SIMC1: variants seen among roughly 807,000 people sequenced by gnomAD.
The protein encoded by SIMC1 is SUMO-interacting motif-containing protein 1.
In SIMC1, 55 loss-of-function variants were observed where a neutral mutation model predicts 82.3. The ratio of observed to expected loss-of-function variants is 0.67; its 90% CI spans 0.54 to 0.84. The LOEUF (loss-of-function observed/expected upper bound fraction) is 0.84. Among genes scored for constraint, SIMC1 ranks in the 40% least tolerant of loss-of-function variants. The pLI is 0.00. For missense variants in SIMC1, 915 were observed against 1,107.2 expected, an observed-to-expected ratio of 0.83 and a Z score of 2.46; for synonymous variants, 353 against 426.3, an observed-to-expected ratio of 0.83 and a Z score of 2.12.
At chr5:176,321,494 T>G (rs1755383896) in intron 5 of SIMC1, among the ~76,000 whole-genome samples, 1 of 152,056 alleles carries the variant, frequency 6.6e-6, no homozygotes, top group Non-Finnish European at 1.5e-5. Context: ...CTCTTCTTCC[T>G]TGTGGATATT....
At chr5:176,326,319 G>A (rs1330396568) in intron 7 of SIMC1, among the ~76,000 whole-genome samples, 7 of 151,704 alleles carry the variant, frequency 4.6e-5, no homozygotes, top group Non-Finnish European at 1.0e-4. Flanking sequence ...GTAAGATTGA[G>A]ACATTTACTG....
intron 9 of SIMC1, among the ~76,000 whole-genome samples, chr5:176,339,883 A>T (rs759947399): frequency 6.6e-6 from 1 of 152,206 alleles, no homozygotes; most frequent in African/African-American, 2.4e-5. Context: ...ACCCAGCAAT[A>T]GTCAGCGTCC....
intron 4 of SIMC1, among the ~76,000 whole-genome samples, chr5:176,300,850 G>A (rs1028272638): frequency 1.3e-5 from 2 of 152,012 alleles, no homozygotes; most frequent in Non-Finnish European, 2.9e-5. Flanking sequence ...GGATAACCTA[G>A]AATAAATGGA....
At chr5:176,305,894 G>A (rs1326732757) in intron 4 of SIMC1, among the ~76,000 whole-genome samples, 1 of 88,064 alleles carries the variant, frequency 1.1e-5, no homozygotes, top group African/African-American at 4.7e-5. Flanking sequence ...CGCCCCGTCC[G>A]GGAGGTGAGG....
chr5:176,330,097 A>G (rs1217089392), intron 7 of SIMC1, among the ~76,000 whole-genome samples: 1 of 152,106 alleles, frequency 6.6e-6, no homozygotes, highest in East Asian at 1.9e-4. Context: ...TTTAAATTCC[A>G]GTTTACATGA....
chr5:176,330,343 G>A (rs1460813693), intron 7 of SIMC1, among the ~76,000 whole-genome samples: 2 of 151,246 alleles, frequency 1.3e-5, no homozygotes, highest in African/African-American at 2.4e-5. Flanking sequence ...GGAGGTTGCA[G>A]TGAGCTGAGA....
At position 176,238,437 on chromosome 5, in the gene SIMC1, C is replaced by G. The variant is rs1222718982; in HGVS notation, c.-72C>G. ...GCCGCTGCCGCCGCCCCGCCGCCGCCACCTCAGAAGCAGGAACCGAAGTCG... is the reference window on the plus strand; with the variant it reads ...GCCGCTGCCGCCGCCCCGCCGCCGCGACCTCAGAAGCAGGAACCGAAGTCG... On this transcript the variant is annotated 5_prime_UTR_variant, in exon 1 of 10. Transcript: ENST00000429602. 1 of 322,856 alleles carries G rather than the reference C, an allele frequency of 3.1e-6. No individual in the cohort carries two copies. Among genetic ancestry groups the G allele is most frequent in the African/African-American group, 2.3e-5 (1 of 43,420 alleles). 20.0% of individuals were successfully genotyped at this position (322,856 alleles called of 1,614,324 possible). A position where few individuals can be genotyped will look rare whatever the true frequency, so the allele number is the denominator to read the frequency against.
chr5:176,281,193 G>A (rs911439447), intron 1 of SIMC1, among the ~76,000 whole-genome samples: 52 of 151,782 alleles, frequency 3.4e-4, no homozygotes, highest in African/African-American at 6.5e-4. Flanking sequence ...ATCTTCCATC[G>A]CTGATACCCT....
At chr5:176,281,330 G>T (rs1287289420) in intron 1 of SIMC1, among the ~76,000 whole-genome samples, 2 of 152,138 alleles carry the variant, frequency 1.3e-5, no homozygotes. Context: ...TTATACATTC[G>T]TCTAAATTTT....
intron 9 of SIMC1, among the ~76,000 whole-genome samples, chr5:176,341,155 A>G (rs1766122091): frequency 6.6e-6 from 1 of 152,228 alleles, no homozygotes; most frequent in African/African-American, 2.4e-5. Context: ...TCAAAAAGAA[A>G]TAAATAAAAG....
At chr5:176,305,564 C>G (rs866461569) in intron 4 of SIMC1, among the ~76,000 whole-genome samples, 1 of 143,950 alleles carries the variant, frequency 6.9e-6, no homozygotes, top group Non-Finnish European at 1.5e-5. Context: ...CCAGCCGCCC[C>G]GTCCGGGAGG....
intron 5 of SIMC1, among the ~76,000 whole-genome samples, chr5:176,320,227 A>G (rs991734899): frequency 1.3e-5 from 2 of 152,200 alleles, no homozygotes; most frequent in Non-Finnish European, 2.9e-5. Flanking sequence ...ATCCCAGTCC[A>G]GAGACCATCT....
At chr5:176,331,837 C>T (rs937816724) in intron 7 of SIMC1, among the ~76,000 whole-genome samples, 17 of 151,680 alleles carry the variant, frequency 1.1e-4, no homozygotes, top group African/African-American at 3.1e-4. Context: ...GGTGTGGTGG[C>T]GGGCGCCTGT....
At position 176,252,218 on chromosome 5, in the gene SIMC1, C is replaced by A. The variant is rs1439845443; in HGVS notation, c.129+13581C>A. On this transcript the variant is annotated intron_variant, in intron 1 of 9. Coordinates refer to ENST00000429602, the MANE Select transcript of SIMC1 (RefSeq NM_001308195.2). Reference sequence around the variant, plus strand: ...GGCTGGCCGGGCGGGGGGCTGACCGCCCCCCCCACCTCCCTCCCGGACGGG... The same window carrying A: ...GGCTGGCCGGGCGGGGGGCTGACCGACCCCCCCACCTCCCTCCCGGACGGG... Among the ~76,000 whole-genome samples the A allele has an allele frequency of 3.1e-4, 8 of 26,100 alleles. No homozygotes were observed. In the East Asian group the frequency reaches 7.4e-3, roughly 24 times the overall value. The allele number at this position is 26,100 out of a possible 152,430, so 17.1% of individuals were successfully genotyped here. A position where few individuals can be genotyped will look rare whatever the true frequency, so the allele number is the denominator to read the frequency against.
intron 1 of SIMC1, among the ~76,000 whole-genome samples, chr5:176,276,368 T>C (rs1180622527): frequency 6.6e-6 from 1 of 151,666 alleles, no homozygotes; most frequent in Admixed American, 6.6e-5. Flanking sequence ...TCTCTTTTTT[T>C]CTTTATTAGT....
intron 1 of SIMC1, among the ~76,000 whole-genome samples, chr5:176,277,499 T>C (rs905313824): frequency 4.6e-5 from 7 of 152,002 alleles, no homozygotes; most frequent in African/African-American, 1.7e-4. Flanking sequence ...TTGCTTTTGG[T>C]GTTTTAGACG....
At chr5:176,284,675 G>A (rs889580419) in intron 1 of SIMC1, among the ~76,000 whole-genome samples, 3 of 152,096 alleles carry the variant, frequency 2.0e-5, no homozygotes, top group African/African-American at 7.2e-5. Context: ...AAATAACTAA[G>A]ATCAGAGCAG....
chr5:176,279,008 T>C (rs1358304879), intron 1 of SIMC1, among the ~76,000 whole-genome samples: 5 of 152,220 alleles, frequency 3.3e-5, no homozygotes, highest in Non-Finnish European at 7.3e-5. Context: ...TTGATTGGAA[T>C]AGTTTCAGAA....
In SIMC1 at chr5:176,300,502, G is replaced by C. The variant is rs1380790159; in HGVS notation, c.1734+4182G>C. The stretch of plus-strand genomic sequence containing the variant: ...CTCAGCTAATTTTTTATTATTTTTT[G>C]TCGAGGTGGGAATCTAGCTAAGTTG... On this transcript the variant is annotated intron_variant, in intron 4 of 9. Transcript: ENST00000429602. Among the ~76,000 whole-genome samples, 5 of 149,878 alleles carry C rather than the reference G, an allele frequency of 3.3e-5. 1 individual carries two copies. Among genetic ancestry groups the C allele is most frequent in the Non-Finnish European group, 1.5e-5 (1 of 67,292 alleles).
Sources: allele counts gnomAD v4.1 joint callset (sites outside exome capture counted in the v4.1 genomes callset), GRCh38; gene constraint gnomAD v4.1.1; transcripts MANE v1.5; gene names NCBI Gene and HGNC (gene_info 2026-07-23, HGNC 2026-07-21).